The following SPOCK3 variants were observed in gnomAD, a reference collection of about 807,000 sequenced individuals.
SPOCK3 encodes SPARC (osteonectin), cwcv and kazal like domains proteoglycan 3, also known as testican-3.
SPOCK3 carries 30 observed loss-of-function variants against 56.6 expected under a neutral mutation model. The observed-to-expected ratio is 0.53, with a 90% CI of 0.40 to 0.72. The LOEUF (loss-of-function observed/expected upper bound fraction) is 0.72, where lower values mean the gene tolerates loss of function less well. Ranked by LOEUF, SPOCK3 falls within the 30% of genes least tolerant of loss-of-function variation. SPOCK3 has a pLI of 0.00. For missense variants in SPOCK3, 527 were observed against 530.0 expected, an observed-to-expected ratio of 0.99 and a Z score of 0.06; for synonymous variants, 196 against 183.3, an observed-to-expected ratio of 1.07 and a Z score of -0.56.
chr4:167,049,129 A>T (rs1276200561), intron 3 of SPOCK3, among the ~76,000 whole-genome samples: 2 of 148,718 alleles, frequency 1.3e-5, no homozygotes, highest in African/African-American at 5.0e-5. Context: ...TTTGAGACAG[A>T]GTTTTGCTCT....
At chr4:166,754,122 C>T (rs1736760505) in intron 8 of SPOCK3, 2 of 979,916 alleles carry the variant, frequency 2.0e-6, no homozygotes, top group Non-Finnish European at 1.2e-6. Flanking sequence ...CAAAATAGAA[C>T]ATTAAAACTC....
chr4:167,092,084 T>C (rs1049439242), intron 2 of SPOCK3, among the ~76,000 whole-genome samples: 2 of 151,998 alleles, frequency 1.3e-5, no homozygotes, highest in African/African-American at 4.8e-5. Context: ...CATTTCCAAC[T>C]GAGGTACCCA....
At chr4:166,778,395 C>T (rs1398262621) in intron 7 of SPOCK3, among the ~76,000 whole-genome samples, 2 of 152,110 alleles carry the variant, frequency 1.3e-5, no homozygotes, top group Admixed American at 6.6e-5. Flanking sequence ...CAAATGAAAG[C>T]AAAATCTGGG....
intron 6 of SPOCK3, among the ~76,000 whole-genome samples, chr4:166,830,689 G>A (rs1745941036): frequency 2.6e-5 from 4 of 151,988 alleles, no homozygotes; most frequent in Admixed American, 1.3e-4. Context: ...AGCCAAGATC[G>A]TGTCACTGCA....
chr4:167,150,012 G>A (rs973963816), intron 2 of SPOCK3, among the ~76,000 whole-genome samples: 4 of 152,034 alleles, frequency 2.6e-5, no homozygotes, highest in Non-Finnish European at 5.9e-5. Context: ...TGATTTGGGG[G>A]AAAGCATCTG....
intron 4 of SPOCK3, among the ~76,000 whole-genome samples, chr4:166,978,377 G>T (rs1896480): frequency 1.3e-5 from 2 of 152,122 alleles, no homozygotes; most frequent in African/African-American, 2.4e-5. Context: ...GAGTCAAATA[G>T]GGAGAGTAAT....
intron 4 of SPOCK3, among the ~76,000 whole-genome samples, chr4:166,978,133 T>C (rs1746159576): frequency 1.3e-5 from 2 of 152,230 alleles, no homozygotes; most frequent in African/African-American, 4.8e-5. Context: ...AAGCCCATAT[T>C]AGTATTATTA....
At chr4:166,858,548 ACAGTGTCTTAACTTT>A (rs1409646793) in intron 6 of SPOCK3, among the ~76,000 whole-genome samples, 4 of 152,168 alleles carry the variant, frequency 2.6e-5, no homozygotes, top group Admixed American at 2.0e-4. Flanking sequence ...TGCATCTGCC[ACAGTGTCTTAACTTT>A]CAGTAACAGA....
intron 6 of SPOCK3, among the ~76,000 whole-genome samples, chr4:166,821,041 T>C (rs1477792286): frequency 1.3e-5 from 2 of 151,912 alleles, no homozygotes; most frequent in Non-Finnish European, 2.9e-5. Context: ...GAAGATGTTT[T>C]CAAATGATAT....
At chr4:166,752,837 C>CT (rs1560821397) in intron 8 of SPOCK3, among the ~76,000 whole-genome samples, 2 of 152,012 alleles carry the variant, frequency 1.3e-5, no homozygotes, top group African/African-American at 4.8e-5. Context: ...GAAATGTTGG[C>CT]TAAGAGTTTA....
intron 6 of SPOCK3, among the ~76,000 whole-genome samples, chr4:166,845,211 T>C (rs953787580): frequency 6.6e-6 from 1 of 152,234 alleles, no homozygotes; most frequent in Non-Finnish European, 1.5e-5. Flanking sequence ...AATCATATTT[T>C]ATAATTCTAA....
chr4:167,127,466 C>A (rs974884228), intron 2 of SPOCK3, among the ~76,000 whole-genome samples: 3 of 150,434 alleles, frequency 2.0e-5, no homozygotes, highest in Non-Finnish European at 4.4e-5. Context: ...CTCACTCTGT[C>A]GCCCAGGCTG....
chr4:166,981,336 G>T (rs529799938), intron 4 of SPOCK3, among the ~76,000 whole-genome samples: 1 of 152,094 alleles, frequency 6.6e-6, no homozygotes, highest in African/African-American at 2.4e-5. Flanking sequence ...CAAGTGTCCA[G>T]CTCTCAGCCA....
chr4:167,116,461 TATAC>T (rs1314997560), intron 2 of SPOCK3, among the ~76,000 whole-genome samples: 1 of 130,500 alleles, frequency 7.7e-6, no homozygotes, highest in African/African-American at 2.8e-5. Flanking sequence ...AAAGTATATA[TATAC>T]ACACTTTTGT....
chr4:166,765,342 C>A (rs956634025), intron 7 of SPOCK3, among the ~76,000 whole-genome samples: 1 of 152,188 alleles, frequency 6.6e-6, no homozygotes, highest in Non-Finnish European at 1.5e-5. Flanking sequence ...AGTCTTTAAT[C>A]CATCTTGAAT....
intron 6 of SPOCK3, among the ~76,000 whole-genome samples, chr4:166,800,756 G>A (rs187771748): frequency 6.6e-6 from 1 of 152,132 alleles, no homozygotes; most frequent in Non-Finnish European, 1.5e-5. Context: ...CAGTAGCCAA[G>A]GTTAATTTTG....
intron 6 of SPOCK3, among the ~76,000 whole-genome samples, chr4:166,847,647 T>TATATATATATATATATATATA (rs1748203803): frequency 9.0e-5 from 5 of 55,368 alleles, no homozygotes; most frequent in Admixed American, 2.0e-4. Flanking sequence ...AAATCCTAGT[T>TATATATATATATATATATATA]TATATATATA....
chr4:166,896,976 A>T (rs1335401256), intron 5 of SPOCK3, among the ~76,000 whole-genome samples: 2 of 151,962 alleles, frequency 1.3e-5, no homozygotes, highest in Admixed American at 1.3e-4. Context: ...AGGGGAAAAG[A>T]TTAACTTTTT....
intron 4 of SPOCK3, among the ~76,000 whole-genome samples, chr4:166,950,913 A>C (rs1343526588): frequency 1.9e-4 from 25 of 134,484 alleles, no homozygotes; most frequent in African/African-American, 5.4e-4. Context: ...ACATACCAGA[A>C]TCTCTGGGAC....
Sources: gnomAD v4.1 joint callset for allele counts (sites outside exome capture counted in the v4.1 genomes callset) on GRCh38, gnomAD v4.1.1 for gene constraint, MANE v1.5 for transcripts, NCBI Gene and HGNC (gene_info 2026-07-23, HGNC 2026-07-21) for gene names.